SMURF2: variants seen among roughly 807,000 people sequenced by gnomAD.
SMURF2 encodes E3 ubiquitin-protein ligase SMURF2.
In SMURF2, 48 loss-of-function variants were observed where a neutral mutation model predicts 109.6. The ratio of observed to expected loss-of-function variants is 0.44; its 90% confidence interval spans 0.35 to 0.56. The LOEUF (loss-of-function observed/expected upper bound fraction) is 0.56, where lower values mean the gene tolerates loss of function less well. Ranked by LOEUF, SMURF2 falls within the 20% of genes least tolerant of loss-of-function variation. SMURF2 has a pLI of 0.01. For missense variants in SMURF2, 575 were observed against 909.0 expected (o/e 0.63, Z 4.72); for synonymous variants, 288 against 317.1 (o/e 0.91, Z 0.97).
At chr17:64,587,449 G>A (rs1358639688) in intron 5 of SMURF2, among the ~76,000 whole-genome samples, 4 of 152,156 alleles carry the variant, frequency 2.6e-5, no homozygotes, top group South Asian at 2.1e-4. Context: ...AAAAAGTTAC[G>A]TTAAATTATA....
At chr17:64,576,746 C>A (rs1359236261) in intron 9 of SMURF2, among the ~76,000 whole-genome samples, 1 of 151,774 alleles carries the variant, frequency 6.6e-6, no homozygotes, top group Non-Finnish European at 1.5e-5. Flanking sequence ...ACATTGAATG[C>A]ATTTATGAGG....
intron 5 of SMURF2, among the ~76,000 whole-genome samples, chr17:64,589,606 T>G (rs782134060): frequency 6.6e-6 from 1 of 151,776 alleles, no homozygotes; most frequent in Non-Finnish European, 1.5e-5. Flanking sequence ...GTGGCGACAT[T>G]AGATTCTCAT....
Position 64,547,839 on chromosome 17 carries a change from C to T in SMURF2, c.1870-38G>A, listed in dbSNP as rs373846099. The T allele has an allele frequency of 6.3e-6, 10 of 1,588,850 alleles. No homozygotes were observed. Among genetic ancestry groups the T allele is most frequent in the African/African-American group, 2.7e-5 (2 of 74,198 alleles). On this transcript the variant is annotated intron_variant, in intron 16 of 18. Transcript: ENST00000262435. This position sits in a 1 kb window ranked among gnomAD's most constrained non-coding sequence, Gnocchi z 4.2. ...TACACAGTAATGAACCTGTGGAAAC[C>T]ACAGCCAGACCAAAAATTCCTCAAA...
chr17:64,546,899 C>G (rs1248302999), intron 17 of SMURF2, among the ~76,000 whole-genome samples: 2 of 152,236 alleles, frequency 1.3e-5, no homozygotes, highest in Admixed American at 6.5e-5. Context: ...CGCTCTCCCC[C>G]CAGGGATTTC....
chr17:64,589,702 A>G (rs1555687487), intron 5 of SMURF2, among the ~76,000 whole-genome samples: 1 of 151,760 alleles, frequency 6.6e-6, no homozygotes, highest in Admixed American at 6.6e-5. Flanking sequence ...ACTGTCTCCC[A>G]TCACCCACAG....
chr17:64,580,933 T>C lies in SMURF2; in HGVS notation c.628A>G (p.Thr210Ala), dbSNP rs1555686524. The stretch of plus-strand genomic sequence containing the variant: ...GCACCATTTGTTCCACTAATTGGAG[T>C]GTTCTCATCAACAAAGCAGCTAAGA... ...RPLSCFVDEN[T>A]PISGTNGATC... The change falls in exon 8 of 19, where the codon ACT becomes GCT. Residue 210 changes from threonine to alanine, a missense_variant. Coordinates refer to ENST00000262435, the MANE Select transcript of SMURF2 (RefSeq NM_022739.4). 6.2e-7 allele frequency: 1 copy of C among 1,614,130 alleles called. No individual in the cohort carries two copies. The highest frequency in any genetic ancestry group is 1.7e-5 in the Admixed American group (1 of 60,008).
At chr17:64,574,441 A>C (rs1256828993) in intron 9 of SMURF2, among the ~76,000 whole-genome samples, 2 of 152,218 alleles carry the variant, frequency 1.3e-5, no homozygotes, top group Non-Finnish European at 2.9e-5. Flanking sequence ...AACATGATGA[A>C]ATGAGATTTC....
intron 17 of SMURF2, among the ~76,000 whole-genome samples, chr17:64,546,757 T>C (rs1448958805): frequency 1.3e-5 from 2 of 152,242 alleles, no homozygotes; most frequent in East Asian, 1.9e-4. Context: ...GAGCCGTCTA[T>C]AGAATCCATT....
intron 1 of SMURF2, among the ~76,000 whole-genome samples, chr17:64,639,806 G>A (rs782609839): frequency 4.6e-5 from 7 of 152,192 alleles, no homozygotes; most frequent in South Asian, 2.1e-4. Flanking sequence ...CCAAGTACCC[G>A]TTACTGTTTG....
At chr17:64,586,420 A>G (rs1969653077) in intron 5 of SMURF2, among the ~76,000 whole-genome samples, 1 of 152,158 alleles carries the variant, frequency 6.6e-6, no homozygotes, top group African/African-American at 2.4e-5. Flanking sequence ...TCACCATAGT[A>G]ATGGTGCATA....
chr17:64,610,436 G>GA (rs1475065055), intron 1 of SMURF2, among the ~76,000 whole-genome samples: 1 of 152,158 alleles, frequency 6.6e-6, no homozygotes, highest in Non-Finnish European at 1.5e-5. Flanking sequence ...CATAAAAAAG[G>GA]ATGAGTTCAT....
chr17:64,655,291 T>C (rs1188632883), intron 1 of SMURF2, among the ~76,000 whole-genome samples: 1 of 140,282 alleles, frequency 7.1e-6, no homozygotes, highest in African/African-American at 2.8e-5. Context: ...AGACACAGTT[T>C]CACTCTGTCG....
chr17:64,593,583 A>G lies in SMURF2; in HGVS notation c.201-10T>C, dbSNP rs782487462. ...AGACTTTCCAATATACCTAAAAAAC[A>G]AAACGGCTGCATGAGTAACTTGGTA... On this transcript the variant is annotated splice_polypyrimidine_tract_variant and intron_variant, in intron 3 of 18. Coordinates refer to ENST00000262435, the MANE Select transcript of SMURF2 (RefSeq NM_022739.4). 3 of 1,522,362 alleles carry G rather than the reference A, an allele frequency of 2.0e-6. No individual in the cohort carries two copies. The highest frequency in any genetic ancestry group is 2.7e-6 in the Non-Finnish European group (3 of 1,128,212). The allele number at this position is 1,522,362 out of a possible 1,614,324, so 94.3% of individuals were successfully genotyped here.
intron 1 of SMURF2, among the ~76,000 whole-genome samples, chr17:64,640,765 A>G (rs932340470): frequency 6.6e-5 from 10 of 152,012 alleles, no homozygotes; most frequent in African/African-American, 2.4e-4. Flanking sequence ...CTAAAAATAC[A>G]AAAATTAGCT....
chr17:64,654,596 G>A (rs866210162), intron 1 of SMURF2, among the ~76,000 whole-genome samples: 1 of 152,062 alleles, frequency 6.6e-6, no homozygotes, highest in Non-Finnish European at 1.5e-5. Context: ...TTGGGAGGCC[G>A]AGGCAAGCGG....
chr17:64,650,172 T>C (rs1396758606), intron 1 of SMURF2, among the ~76,000 whole-genome samples: 4 of 151,474 alleles, frequency 2.6e-5, no homozygotes, highest in Non-Finnish European at 4.4e-5. Flanking sequence ...TGTACATTAT[T>C]CCATCATATT....
chr17:64,613,736 G>A (rs1468724758), intron 1 of SMURF2, among the ~76,000 whole-genome samples: 6 of 144,854 alleles, frequency 4.1e-5, no homozygotes, highest in Admixed American at 2.1e-4. Context: ...GTGTGTGTGT[G>A]TGTGTGTGGA....
intron 1 of SMURF2, among the ~76,000 whole-genome samples, chr17:64,654,559 G>T (rs752161842): frequency 3.9e-5 from 6 of 152,162 alleles, no homozygotes; most frequent in Non-Finnish European, 4.4e-5. Flanking sequence ...GCTGGGTGCG[G>T]TGGCTCATGC....
chr17:64,650,204 CTTTT>C (rs34557504), intron 1 of SMURF2, among the ~76,000 whole-genome samples: 1 of 132,614 alleles, frequency 7.5e-6, no homozygotes, highest in African/African-American at 2.7e-5. Context: ...TAAGACTTGC[CTTTT>C]TTTTTTTTTT....
Sources: allele counts gnomAD v4.1 joint callset (sites outside exome capture counted in the v4.1 genomes callset), GRCh38; gene constraint gnomAD v4.1.1; non-coding constraint Gnocchi (gnomAD v3.1); transcripts MANE v1.5; gene names NCBI Gene and HGNC (gene_info 2026-07-23, HGNC 2026-07-21).